RIT2: variants seen among roughly 807,000 people sequenced by gnomAD.
RIT2 encodes GTP-binding protein Rit2.
In RIT2, 24 loss-of-function variants were observed where a neutral mutation model predicts 23.7. The ratio of observed to expected loss-of-function variants is 1.01; its 90% CI spans 0.73 to 1.43. The LOEUF (loss-of-function observed/expected upper bound fraction) is 1.43, where lower values mean the gene tolerates loss of function less well. Among genes scored for constraint, RIT2 ranks in the 40% most tolerant of loss-of-function variants. The pLI is 0.00. For synonymous variants in RIT2, 107 were observed against 91.1 expected (o/e 1.17, Z -0.99); for missense variants, 236 against 266.9 (o/e 0.88, Z 0.81).
At chr18:43,098,860 C>A (rs977679463) in intron 1 of RIT2, among the ~76,000 whole-genome samples, 1 of 151,964 alleles carries the variant, frequency 6.6e-6, no homozygotes, top group Non-Finnish European at 1.5e-5. Flanking sequence ...GATCTCAAAT[C>A]TTTACTTTTA....
At chr18:42,780,053 T>G (rs1319652112) in intron 4 of RIT2, among the ~76,000 whole-genome samples, 2 of 129,388 alleles carry the variant, frequency 1.5e-5, no homozygotes, top group African/African-American at 5.9e-5. Context: ...AGAGGTTTTT[T>G]TTTTTTTTTT....
intron 3 of RIT2, among the ~76,000 whole-genome samples, chr18:42,925,001 A>C (rs1909145525): frequency 6.6e-6 from 1 of 152,068 alleles, no homozygotes; most frequent in Non-Finnish European, 1.5e-5. Flanking sequence ...CATCGGTTTC[A>C]AGCAATCATT....
intron 4 of RIT2, among the ~76,000 whole-genome samples, chr18:42,852,789 C>T (rs1035476081): frequency 8.0e-6 from 1 of 124,762 alleles, no homozygotes; most frequent in African/African-American, 3.0e-5. Context: ...CTCTCCCTCC[C>T]TCCCTCTCTT....
intron 4 of RIT2, among the ~76,000 whole-genome samples, chr18:42,819,830 A>G (rs1906098804): frequency 6.6e-6 from 1 of 152,124 alleles, no homozygotes; most frequent in Non-Finnish European, 1.5e-5. Context: ...ATGTGATACT[A>G]ATGTGGGTAG....
At chr18:42,943,724 T>C (rs1568036360) in intron 3 of RIT2, among the ~76,000 whole-genome samples, 2 of 152,156 alleles carry the variant, frequency 1.3e-5, no homozygotes, top group African/African-American at 4.8e-5. Context: ...TATGGTAGAA[T>C]TGGTTTTGTG....
intron 4 of RIT2, among the ~76,000 whole-genome samples, chr18:42,757,265 CT>C (rs780903044): frequency 5.3e-5 from 8 of 152,124 alleles, no homozygotes; most frequent in Non-Finnish European, 1.2e-4. Context: ...TGTCAAAATG[CT>C]TGATTACATA....
chr18:43,005,201 T>G (rs987784849), intron 2 of RIT2, among the ~76,000 whole-genome samples: 7 of 151,894 alleles, frequency 4.6e-5, no homozygotes, highest in Admixed American at 3.3e-4. Context: ...TGATAAACTC[T>G]AGGTAATCAA....
At chr18:42,927,469 C>T (rs1909212387) in intron 3 of RIT2, among the ~76,000 whole-genome samples, 1 of 151,426 alleles carries the variant, frequency 6.6e-6, no homozygotes, top group South Asian at 2.1e-4. Flanking sequence ...AATCTCTTTA[C>T]TATGTATCAA....
chr18:43,007,749 C>A (rs112766395), intron 2 of RIT2, among the ~76,000 whole-genome samples: 8 of 151,586 alleles, frequency 5.3e-5, no homozygotes, highest in African/African-American at 1.9e-4. Flanking sequence ...TGGTTACTTT[C>A]GGAAAATACT....
chr18:42,910,364 A>G (rs1327161321), intron 4 of RIT2, among the ~76,000 whole-genome samples: 1 of 152,164 alleles, frequency 6.6e-6, no homozygotes, highest in Non-Finnish European at 1.5e-5. Context: ...TGCTTCAAGC[A>G]TTATTGATAC....
At chr18:42,978,669 A>G (rs1910527926) in intron 2 of RIT2, among the ~76,000 whole-genome samples, 1 of 152,136 alleles carries the variant, frequency 6.6e-6, no homozygotes, top group Non-Finnish European at 1.5e-5. Flanking sequence ...CTAGGACTGC[A>G]TTCTTGGAGG....
Position 42,923,650 on chromosome 18 carries a change from G to A in RIT2, c.348C>T (p.Leu116=). The A allele has an allele frequency of 1.2e-6, 2 of 1,613,378 alleles. No homozygotes were observed. Among genetic ancestry groups the A allele is most frequent in the African/African-American group, 1.3e-5 (1 of 74,942 alleles). Residue 116 remains leucine, a synonymous_variant, in exon 4 of 5, where the codon CTC becomes CTT. Coordinates refer to ENST00000326695, the MANE Select transcript of RIT2 (RefSeq NM_002930.4). The part of the protein sequence containing the change: ...SFQEAAKFKE[L]IFQVRHTYEI... Reference sequence around the variant, plus strand: ...CATAGGTGTGGCGGACCTGAAAAATGAGCTCTTTAAACTTGGCAGCCTCCT... The same window carrying A: ...CATAGGTGTGGCGGACCTGAAAAATAAGCTCTTTAAACTTGGCAGCCTCCT...
At chr18:42,759,482 T>C (rs1567989189) in intron 4 of RIT2, among the ~76,000 whole-genome samples, 1 of 152,106 alleles carries the variant, frequency 6.6e-6, no homozygotes, top group Non-Finnish European at 1.5e-5. Context: ...CCTGTCTCTT[T>C]GTCTAGAACA....
chr18:42,831,683 C>A (rs187483711), intron 4 of RIT2, among the ~76,000 whole-genome samples: 1 of 152,222 alleles, frequency 6.6e-6, no homozygotes, highest in East Asian at 1.9e-4. Context: ...TTTGTGAATA[C>A]TAAGTTCTAC....
At chr18:42,756,182 G>A (rs1268830001) in intron 4 of RIT2, among the ~76,000 whole-genome samples, 2 of 152,058 alleles carry the variant, frequency 1.3e-5, no homozygotes, top group Non-Finnish European at 2.9e-5. Context: ...AAATTTGTTA[G>A]GAACCCATCA....
chr18:42,754,738 A>C (rs1257234965), intron 4 of RIT2, among the ~76,000 whole-genome samples: 1 of 152,234 alleles, frequency 6.6e-6, no homozygotes, highest in East Asian at 1.9e-4. Flanking sequence ...CACACTTTGC[A>C]GTGGCAGGTG....
At chr18:42,929,735 C>A (rs1447256030) in intron 3 of RIT2, among the ~76,000 whole-genome samples, 1 of 152,166 alleles carries the variant, frequency 6.6e-6, no homozygotes, top group African/African-American at 2.4e-5. Flanking sequence ...CCCTTCTGGG[C>A]TTGGGACCCT....
intron 1 of RIT2, among the ~76,000 whole-genome samples, chr18:43,035,559 C>T (rs184201683): frequency 2.1e-4 from 32 of 152,252 alleles, no homozygotes; most frequent in African/African-American, 7.5e-4. Flanking sequence ...CTTTTCATAA[C>T]CCAGATTTAG....
At chr18:42,846,583 A>G (rs1906915665) in intron 4 of RIT2, among the ~76,000 whole-genome samples, 1 of 152,028 alleles carries the variant, frequency 6.6e-6, no homozygotes. Flanking sequence ...ATATAAATGA[A>G]CATTAAATCA....
Sources: allele counts gnomAD v4.1 joint callset (sites outside exome capture counted in the v4.1 genomes callset), GRCh38; gene constraint gnomAD v4.1.1; transcripts MANE v1.5; gene names NCBI Gene and HGNC (gene_info 2026-07-23, HGNC 2026-07-21).